LTBP1: variants seen among roughly 807,000 people sequenced by gnomAD.
The protein encoded by LTBP1 is latent-transforming growth factor beta-binding protein 1.
LTBP1 carries 129 observed loss-of-function variants against 207.6 expected under a neutral mutation model. The ratio of observed to expected loss-of-function variants is 0.62; its 90% CI spans 0.54 to 0.72. The LOEUF (loss-of-function observed/expected upper bound fraction) is 0.72, where lower values mean the gene tolerates loss of function less well. LTBP1 is among the 30% of genes least tolerant of loss of function. The probability of loss-of-function intolerance (pLI) is 0.00; values close to 1 mark genes in which losing one functional copy is unlikely to be tolerated. For synonymous variants in LTBP1, 963 were observed against 833.7 expected, an observed-to-expected ratio of 1.16 and a Z score of -2.67; for missense variants, 2,281 against 2,217.2, an observed-to-expected ratio of 1.03 and a Z score of -0.58.
intron 3 of LTBP1, among the ~76,000 whole-genome samples, chr2:33,052,200 T>A (rs2076778710): frequency 6.6e-6 from 1 of 152,256 alleles, no homozygotes; most frequent in Admixed American, 6.5e-5. Context: ...CGACCGTTGC[T>A]ATGGGAAAAA....
intron 3 of LTBP1, among the ~76,000 whole-genome samples, chr2:33,093,310 C>G (rs2079205027): frequency 6.6e-6 from 1 of 152,070 alleles, no homozygotes; most frequent in Non-Finnish European, 1.5e-5. Context: ...CCCTCTTTCC[C>G]CTCCATATTG....
At chr2:33,043,668 TAGA>T (rs2076303060) in intron 3 of LTBP1, among the ~76,000 whole-genome samples, 1 of 151,684 alleles carries the variant, frequency 6.6e-6, no homozygotes, top group African/African-American at 2.4e-5. Context: ...GAGGAGGAAG[TAGA>T]AGAAGGAATT....
intron 23 of LTBP1, among the ~76,000 whole-genome samples, chr2:33,310,051 G>A (rs1465650653): frequency 6.6e-6 from 1 of 151,352 alleles, no homozygotes; most frequent in South Asian, 2.1e-4. Flanking sequence ...AGGTTCAAGC[G>A]ATTCTCCTGC....
chr2:33,202,018 C>G (rs964231979), intron 7 of LTBP1, among the ~76,000 whole-genome samples: 1 of 109,826 alleles, frequency 9.1e-6, no homozygotes, highest in African/African-American at 3.4e-5. Flanking sequence ...AAGCTTAGCA[C>G]TGGAACACAC....
At chr2:33,201,431 G>A (rs2089251757) in intron 7 of LTBP1, among the ~76,000 whole-genome samples, 1 of 128,396 alleles carries the variant, frequency 7.8e-6, no homozygotes, top group Admixed American at 1.1e-4. Context: ...TGAACAGTGA[G>A]AACACATGGA....
intron 2 of LTBP1, among the ~76,000 whole-genome samples, chr2:32,961,596 T>A (rs1171425993): frequency 6.6e-6 from 1 of 152,126 alleles, no homozygotes; most frequent in African/African-American, 2.4e-5. Context: ...AATTAGTCAT[T>A]GACTCCGCCT....
At position 33,155,483 on chromosome 2, in the gene LTBP1, C is replaced by T. The variant is rs144162884; in HGVS notation, c.1201+20523C>T. On this transcript the variant is annotated intron_variant, in intron 5 of 33. Coordinates refer to ENST00000404816, the MANE Select transcript of LTBP1 (RefSeq NM_206943.4). ...TTTTCATGTGCCTAAAACAGAGTTT[C>T]TCCACCTCAGTGTTATTCACATTTG... 2.4e-3 allele frequency among the ~76,000 whole-genome samples: 358 copies of T among 152,316 alleles called. 1 individual carries two copies. Among genetic ancestry groups the T allele is most frequent in the Non-Finnish European group, 4.5e-3 (307 of 68,024 alleles).
intron 7 of LTBP1, 99 bp downstream of exon 7, chr2:33,188,950 A>AG: frequency 7.2e-7 from 1 of 1,385,378 alleles, no homozygotes; most frequent in East Asian, 2.3e-5. Flanking sequence ...TTTAAAAAAA[A>AG]GGCTTTGACA....
intron 3 of LTBP1, among the ~76,000 whole-genome samples, chr2:33,044,902 A>G (rs972570800): frequency 5.9e-5 from 9 of 152,074 alleles, no homozygotes; most frequent in African/African-American, 2.2e-4. Context: ...GGCCGCATGA[A>G]TGTCTTCTTT....
At chr2:33,351,444 A>G (rs2094780268) in intron 26 of LTBP1, among the ~76,000 whole-genome samples, 1 of 152,224 alleles carries the variant, frequency 6.6e-6, no homozygotes. Context: ...GTTTTTCATT[A>G]TTAAGATAAT....
intron 3 of LTBP1, chr2:33,063,063 C>G (rs1351344898): frequency 2.0e-5 from 3 of 152,202 alleles, no homozygotes; most frequent in Non-Finnish European, 2.9e-5. Context: ...AGGGGGGACT[C>G]CTGTCCCACA....
chr2:33,353,529 C>G (rs999503120), intron 26 of LTBP1, among the ~76,000 whole-genome samples: 1 of 152,206 alleles, frequency 6.6e-6, no homozygotes, highest in Non-Finnish European at 1.5e-5. Context: ...AATAAATTGC[C>G]TCTCCACATT....
At chr2:33,362,986 C>G (rs1015444158) in intron 28 of LTBP1, among the ~76,000 whole-genome samples, 2 of 152,178 alleles carry the variant, frequency 1.3e-5, no homozygotes, top group African/African-American at 4.8e-5. Flanking sequence ...TTCCACCAAA[C>G]TTTATTGGAA....
Position 33,287,993 on chromosome 2 carries a change from GT to G in LTBP1, c.3113-5166del, listed in dbSNP as rs1436363347. On this transcript the variant is annotated intron_variant, in intron 19 of 33. Coordinates refer to ENST00000404816, the MANE Select transcript of LTBP1 (RefSeq NM_206943.4). The stretch of plus-strand genomic sequence containing the variant: ...GAAGAATAGTTGAGGAGTCGCTGGA[GT>G]AATGACACATTTGGGGTAGGGGATA... Among the ~76,000 whole-genome samples the G allele has an allele frequency of 3.3e-5, 5 of 152,168 alleles. No individual in the cohort carries two copies. The East Asian group carries it at 9.6e-4, about 29-fold the overall frequency.
chr2:33,195,366 A>G (rs2088429358), intron 7 of LTBP1, among the ~76,000 whole-genome samples: 1 of 152,184 alleles, frequency 6.6e-6, no homozygotes, highest in Admixed American at 6.5e-5. Flanking sequence ...ACATGGGAGG[A>G]GGTCAAAATA....
chr2:32,949,510 G>T (rs1330176841), intron 2 of LTBP1, among the ~76,000 whole-genome samples: 1 of 152,208 alleles, frequency 6.6e-6, no homozygotes, highest in Admixed American at 6.5e-5. Context: ...CAGTTCACAT[G>T]CATGCCCAGC....
intron 5 of LTBP1, among the ~76,000 whole-genome samples, chr2:33,170,361 C>G (rs544753290): frequency 3.3e-4 from 43 of 131,846 alleles, no homozygotes; most frequent in African/African-American, 1.1e-3. Context: ...TATCCCGCAC[C>G]TGGCTCAGAG....
chr2:33,133,162 A>G (rs934719941), intron 4 of LTBP1, among the ~76,000 whole-genome samples: 3 of 152,176 alleles, frequency 2.0e-5, no homozygotes, highest in African/African-American at 4.8e-5. Flanking sequence ...TGAAATTGGA[A>G]TGGCTTCTTT....
At chr2:33,166,613 A>G (rs1278915081) in intron 5 of LTBP1, among the ~76,000 whole-genome samples, 1 of 152,220 alleles carries the variant, frequency 6.6e-6, no homozygotes, top group African/African-American at 2.4e-5. Flanking sequence ...TTAGAAACAT[A>G]CTCATGGGCC....
Sources: allele counts gnomAD v4.1 joint callset (sites outside exome capture counted in the v4.1 genomes callset), GRCh38; gene constraint gnomAD v4.1.1; transcripts MANE v1.5; gene names NCBI Gene and HGNC (gene_info 2026-07-23, HGNC 2026-07-21).